Variants in CNTNAP3B observed in about 807,000 individuals in gnomAD.
CNTNAP3B encodes the protein contactin associated protein family member 3B.
In CNTNAP3B, 25 loss-of-function variants were observed where a neutral mutation model predicts 108.9. The observed-to-expected ratio is 0.23, with a 90% CI of 0.17 to 0.32. CNTNAP3B has a LOEUF of 0.32. CNTNAP3B is among the 10% of genes least tolerant of loss of function. The pLI is 1.00. For missense variants in CNTNAP3B, 252 were observed against 1,210.4 expected (o/e 0.21, Z 11.75); for synonymous variants, 103 against 473.4 (o/e 0.22, Z 10.16).
intron 10 of CNTNAP3B, among the ~76,000 whole-genome samples, chr9:41,967,335 T>C (rs1406920259): frequency 1.3e-5 from 2 of 152,216 alleles, no homozygotes; most frequent in African/African-American, 2.4e-5. Flanking sequence ...GATGGTTTTA[T>C]AAAGGGGAGT....
chr9:41,958,111 C>A (rs1230176223), intron 12 of CNTNAP3B, among the ~76,000 whole-genome samples: 1 of 152,188 alleles, frequency 6.6e-6, no homozygotes, highest in African/African-American at 2.4e-5. Flanking sequence ...GAACTTTTTT[C>A]TTTTTCTTTT....
intron 13 of CNTNAP3B, among the ~76,000 whole-genome samples, chr9:41,940,749 A>T (rs1405457472): frequency 9.2e-5 from 14 of 152,094 alleles, no homozygotes; most frequent in Non-Finnish European, 1.9e-4. Context: ...CGGGAGGCGG[A>T]GCCTGCAGTG....
chr9:42,061,076 C>T (rs2118568884), intron 3 of CNTNAP3B, among the ~76,000 whole-genome samples: 1 of 98,696 alleles, frequency 1.0e-5, no homozygotes, highest in East Asian at 3.0e-4. Flanking sequence ...TCTTGTTATT[C>T]TAGTTCCTTG....
At position 41,933,357 on chromosome 9, in the gene CNTNAP3B, G is replaced by A. The variant is rs1824039118; in HGVS notation, c.2238-3913C>T. On this transcript the variant is annotated intron_variant, in intron 14 of 23. Transcript: ENST00000377561. Reference sequence around the variant, plus strand: ...CTTCAGACAATGCCAAATGTCCCAAGAGTCGAAATCACCCCCGATTGAGAA... The same window carrying A: ...CTTCAGACAATGCCAAATGTCCCAAAAGTCGAAATCACCCCCGATTGAGAA... Among the ~76,000 whole-genome samples, 4 of 152,402 alleles carry A rather than the reference G, an allele frequency of 2.6e-5. No individual in the cohort carries two copies. The South Asian group carries it at 8.3e-4, about 32-fold the overall frequency.
intron 1 of CNTNAP3B, among the ~76,000 whole-genome samples, chr9:42,109,073 C>G (rs1157179205): frequency 1.4e-5 from 2 of 138,390 alleles, no homozygotes; most frequent in East Asian, 4.4e-4. Flanking sequence ...CTTTTCAAAA[C>G]AGCATTTCAT....
intron 15 of CNTNAP3B, among the ~76,000 whole-genome samples, chr9:41,928,575 G>A (rs1242716324): frequency 6.6e-6 from 1 of 152,296 alleles, no homozygotes; most frequent in Admixed American, 6.5e-5. Context: ...CGGCAAGAAT[G>A]TACAGAGAGG....
In CNTNAP3B at chr9:42,062,805, T is replaced by C. The variant is rs1185977892; in HGVS notation, c.390+14064A>G. Among the ~76,000 whole-genome samples, 2 of 95,006 alleles carry C rather than the reference T, an allele frequency of 2.1e-5. 1 individual carries two copies. The highest frequency in any genetic ancestry group is 7.9e-5 in the African/African-American group (2 of 25,274). 62.3% of individuals were successfully genotyped at this position (95,006 alleles called of 152,430 possible). On this transcript the variant is annotated intron_variant, in intron 3 of 23. Transcript: ENST00000377561. ...TTGATTCCTTACTTTGTATCTTCTG[T>C]ATATCTAGTACAGGTTTTTGCTTTG...
intron 1 of CNTNAP3B, among the ~76,000 whole-genome samples, chr9:42,122,462 A>T (rs1338537837): frequency 1.5e-5 from 2 of 133,046 alleles, no homozygotes; most frequent in Non-Finnish European, 3.2e-5. Context: ...AGCTTATGAG[A>T]GCTTTCTTAA....
rs1212533479 is a variant in CNTNAP3B at position 42,066,105 on chromosome 9, T to C, written c.390+10764A>G. ...AATGAACATTCTTCAAAGTAAAATT[T>C]TGAATTACATCATTTTATTATGGGT... On this transcript the variant is annotated intron_variant, in intron 3 of 23. Coordinates refer to ENST00000377561, the MANE Select transcript of CNTNAP3B (RefSeq NM_001201380.3). 2.2e-5 allele frequency among the ~76,000 whole-genome samples: 3 copies of C among 134,778 alleles called. 1 individual carries two copies. The highest frequency in any genetic ancestry group is 4.7e-5 in the Non-Finnish European group (3 of 63,642). The allele number at this position is 134,778 out of a possible 152,430, so 88.4% of individuals were successfully genotyped here.
intron 1 of CNTNAP3B, among the ~76,000 whole-genome samples, chr9:42,122,758 A>G (rs200890435): frequency 0.24 from 30,079 of 126,264 alleles, 2,136 homozygotes; most frequent in South Asian, 0.31. Context: ...TTAAAAGGTT[A>G]TCTGCCACAA....
chr9:42,057,458 G>A (rs1271813241), intron 3 of CNTNAP3B, among the ~76,000 whole-genome samples: 1 of 118,448 alleles, frequency 8.4e-6, no homozygotes, highest in African/African-American at 3.4e-5. Flanking sequence ...GCCCAACTCA[G>A]CCTCTCAAAG....
intron 3 of CNTNAP3B, among the ~76,000 whole-genome samples, chr9:42,023,339 C>T (rs1321811421): frequency 1.3e-5 from 2 of 151,916 alleles, no homozygotes; most frequent in African/African-American, 4.9e-5. Context: ...CCGCCTTAAG[C>T]TCCTCGGTTG....
At chr9:41,945,764 A>G (rs972345608) in intron 13 of CNTNAP3B, among the ~76,000 whole-genome samples, 1 of 152,298 alleles carries the variant, frequency 6.6e-6, no homozygotes, top group African/African-American at 2.4e-5. Context: ...AAGGTATGAT[A>G]ATAATAAAAT....
intron 18 of CNTNAP3B, among the ~76,000 whole-genome samples, chr9:41,919,132 CT>C (rs1823597805): frequency 6.6e-6 from 1 of 151,994 alleles, no homozygotes; most frequent in African/African-American, 2.4e-5. Context: ...TCCCTTTTTC[CT>C]TTTCTTTTTT....
rs1214326050 is a variant in CNTNAP3B, at chr9:41,934,122, T to TATATATATATATATATACACACAC, written c.2237+4121_2237+4122insGTGTGTGTATATATATATATATAT. On this transcript the variant is annotated intron_variant, in intron 14 of 23. Coordinates refer to ENST00000377561, the MANE Select transcript of CNTNAP3B (RefSeq NM_001201380.3). ...TTACATATATATATATATATATATA[T>TATATATATATATATATACACACAC]ACACACACATATATATATACACACA... Among the ~76,000 whole-genome samples, 52 of 73,344 alleles carry TATATATATATATATATACACACAC rather than the reference T, an allele frequency of 7.1e-4. No homozygotes were observed. In the Middle Eastern group the frequency reaches 0.023, roughly 32 times the overall value. The allele number at this position is 73,344 out of a possible 152,430, so 48.1% of individuals were successfully genotyped here.
intron 2 of CNTNAP3B, among the ~76,000 whole-genome samples, chr9:42,094,978 A>C (rs1827871051): frequency 7.3e-6 from 1 of 137,258 alleles, no homozygotes; most frequent in Non-Finnish European, 1.6e-5. Context: ...TGATCGAATC[A>C]GGCTAATCAG....
At chr9:41,921,772 C>A (rs1044500002) in intron 17 of CNTNAP3B, among the ~76,000 whole-genome samples, 1 of 151,330 alleles carries the variant, frequency 6.6e-6, no homozygotes. Flanking sequence ...AAACAAGGAG[C>A]CTGTGATGAG....
At position 42,089,726 on chromosome 9, in the gene CNTNAP3B, T is replaced by C. The variant is rs555013686; in HGVS notation, c.197-12664A>G. On this transcript the variant is annotated intron_variant, in intron 2 of 23. Coordinates refer to ENST00000377561, the MANE Select transcript of CNTNAP3B (RefSeq NM_001201380.3). ...ATGATCACATGGAAGGACATCTGAA[T>C]AGTGGAGAAATATGAGGAGTGGAGG... is the stretch of plus-strand genomic sequence containing the variant. 4.7e-5 allele frequency among the ~76,000 whole-genome samples: 7 copies of C among 147,812 alleles called. No individual in the cohort carries two copies. In the South Asian group the frequency reaches 1.5e-3, roughly 32 times the overall value.
chr9:42,083,117 A>T (rs1023696002), intron 2 of CNTNAP3B, among the ~76,000 whole-genome samples: 2 of 133,564 alleles, frequency 1.5e-5, no homozygotes, highest in Admixed American at 1.5e-4. Context: ...AATGATTAAG[A>T]TGTTCTTTCA....
Sources: gnomAD v4.1 joint callset for allele counts (sites outside exome capture counted in the v4.1 genomes callset) on GRCh38, gnomAD v4.1.1 for gene constraint, MANE v1.5 for transcripts, NCBI Gene and HGNC (gene_info 2026-07-23, HGNC 2026-07-21) for gene names.